The following COL25A1 variants were observed in gnomAD, a reference collection of about 807,000 sequenced individuals.
The protein encoded by COL25A1 is collagen alpha-1(XXV) chain.
Under a neutral mutation model 128.4 loss-of-function variants are expected in COL25A1, and 103 were observed. The ratio of observed to expected loss-of-function variants is 0.80; its 90% CI spans 0.68 to 0.94. The LOEUF is 0.94. COL25A1 is among the 40% of genes least tolerant of loss of function. The pLI is 0.00. For missense variants in COL25A1, 745 were observed against 840.0 expected (o/e 0.89, Z 1.40); for synonymous variants, 279 against 277.2 (o/e 1.01, Z -0.06).
At chr4:109,130,083 A>T (rs1202968649) in intron 3 of COL25A1, among the ~76,000 whole-genome samples, 1 of 151,890 alleles carries the variant, frequency 6.6e-6, no homozygotes, top group East Asian at 1.9e-4. Context: ...TTAACAAAGC[A>T]ATTAGTAATT....
At chr4:108,987,565 G>C (rs942979561) in intron 6 of COL25A1, among the ~76,000 whole-genome samples, 1 of 151,618 alleles carries the variant, frequency 6.6e-6, no homozygotes, top group Non-Finnish European at 1.5e-5. Context: ...TAGTAGAGAC[G>C]GGGTTTCACC....
At chr4:109,009,055 G>C (rs1419514277) in intron 6 of COL25A1, among the ~76,000 whole-genome samples, 1 of 152,162 alleles carries the variant, frequency 6.6e-6, no homozygotes, top group Non-Finnish European at 1.5e-5. Flanking sequence ...CCGGGAGGCG[G>C]AAGTTGCAGT....
At chr4:109,081,527 G>C (rs1006799657) in intron 3 of COL25A1, among the ~76,000 whole-genome samples, 7 of 152,014 alleles carry the variant, frequency 4.6e-5, no homozygotes, top group African/African-American at 1.7e-4. Flanking sequence ...TATCCATTTA[G>C]AGTGTACAAC....
At chr4:108,888,275 C>T (rs774336407) in intron 18 of COL25A1, among the ~76,000 whole-genome samples, 6 of 152,154 alleles carry the variant, frequency 3.9e-5, no homozygotes, top group Admixed American at 6.6e-5. Flanking sequence ...TATTTTACTA[C>T]ATCTTCAGGT....
At chr4:109,220,774 C>A (rs1432455455) in intron 3 of COL25A1, among the ~76,000 whole-genome samples, 2 of 152,076 alleles carry the variant, frequency 1.3e-5, no homozygotes, top group Non-Finnish European at 2.9e-5. Flanking sequence ...AATTTTCTTT[C>A]TTTTTAGTAC....
intron 3 of COL25A1, among the ~76,000 whole-genome samples, chr4:109,239,366 ATGTG>A (rs1297332868): frequency 4.2e-4 from 48 of 113,068 alleles, no homozygotes; most frequent in African/African-American, 1.3e-3. Context: ...TCTATTATAT[ATGTG>A]TGTGTATGTG....
At chr4:109,214,179 G>T (rs1023772253) in intron 3 of COL25A1, among the ~76,000 whole-genome samples, 1 of 151,980 alleles carries the variant, frequency 6.6e-6, no homozygotes, top group Non-Finnish European at 1.5e-5. Flanking sequence ...TGTGTCCTCA[G>T]CCTCATAAAT....
chr4:108,962,096 C>T (rs1750773833), intron 8 of COL25A1, among the ~76,000 whole-genome samples: 1 of 152,158 alleles, frequency 6.6e-6, no homozygotes. Flanking sequence ...TTGCATCCCA[C>T]AGGCTTCAAG....
chr4:108,883,826 C>A (rs1027020038), intron 19 of COL25A1, among the ~76,000 whole-genome samples: 5 of 152,034 alleles, frequency 3.3e-5, no homozygotes, highest in Non-Finnish European at 7.4e-5. Flanking sequence ...TGTTAAGACT[C>A]TAATTCTGAT....
chr4:109,099,908 C>G (rs890691557), intron 3 of COL25A1, among the ~76,000 whole-genome samples: 1 of 152,190 alleles, frequency 6.6e-6, no homozygotes, highest in Middle Eastern at 3.4e-3. Flanking sequence ...CAAATTAAAA[C>G]AGCAGAGATA....
intron 20 of COL25A1, among the ~76,000 whole-genome samples, chr4:108,866,525 C>T (rs1360009985): frequency 1.3e-5 from 2 of 152,274 alleles, no homozygotes; most frequent in Middle Eastern, 3.4e-3. Context: ...TGATAGAGGT[C>T]CCTCTCAGGC....
At chr4:109,173,516 T>G (rs1773785868) in intron 3 of COL25A1, among the ~76,000 whole-genome samples, 1 of 152,178 alleles carries the variant, frequency 6.6e-6, no homozygotes, top group South Asian at 2.1e-4. Flanking sequence ...TATAAGAATA[T>G]GCAAAGTTAT....
At chr4:108,824,309 A>G (rs1388197458) in intron 34 of COL25A1, 82 bp from the exon 35 acceptor site, 4 of 981,120 alleles carry the variant, frequency 4.1e-6, no homozygotes, top group East Asian at 4.9e-5. Context: ...TTAGGATTTT[A>G]CATTTCTGAG....
intron 8 of COL25A1, among the ~76,000 whole-genome samples, chr4:108,958,470 T>G (rs993336211): frequency 5.9e-5 from 9 of 152,166 alleles, no homozygotes; most frequent in African/African-American, 2.2e-4. Flanking sequence ...CTATGAACTT[T>G]GGCAATGACC....
At chr4:108,845,373 T>C (rs1301360254) in intron 28 of COL25A1, 122 bp from the exon 29 acceptor site, 14 of 742,246 alleles carry the variant, frequency 1.9e-5, no homozygotes, top group Non-Finnish European at 3.1e-5. Context: ...ACTTGCTACA[T>C]AAAAGAAGGA....
intron 3 of COL25A1, among the ~76,000 whole-genome samples, chr4:109,128,441 T>A (rs1275179428): frequency 6.6e-6 from 1 of 152,192 alleles, no homozygotes; most frequent in Non-Finnish European, 1.5e-5. Flanking sequence ...ACCTATGACC[T>A]GTGGGTCCCT....
At chr4:109,066,941 G>A (rs1020311326) in intron 3 of COL25A1, among the ~76,000 whole-genome samples, 1 of 152,116 alleles carries the variant, frequency 6.6e-6, no homozygotes, top group African/African-American at 2.4e-5. Context: ...AAAATGCTGA[G>A]ATTACAGGTG....
chr4:108,821,803 A>G (rs917280598), intron 35 of COL25A1, among the ~76,000 whole-genome samples: 2 of 152,128 alleles, frequency 1.3e-5, no homozygotes, highest in African/African-American at 4.8e-5. Flanking sequence ...TGTGGGTATG[A>G]GTACATGAGA....
chr4:108,825,744 T>G (rs374246410), intron 33 of COL25A1, among the ~76,000 whole-genome samples: 5 of 152,304 alleles, frequency 3.3e-5, no homozygotes, highest in African/African-American at 1.2e-4. Flanking sequence ...CACAAATGAG[T>G]AAAGAATGTA....
Sources: gnomAD v4.1 joint callset for allele counts (sites outside exome capture counted in the v4.1 genomes callset) on GRCh38, gnomAD v4.1.1 for gene constraint, MANE v1.5 for transcripts, NCBI Gene and HGNC (gene_info 2026-07-23, HGNC 2026-07-21) for gene names.